SEC24D: variants seen among roughly 807,000 people sequenced by gnomAD.
The protein encoded by SEC24D is protein transport protein Sec24D.
SEC24D carries 69 observed loss-of-function variants against 116.9 expected under a neutral mutation model. The ratio of observed to expected loss-of-function variants is 0.59; its 90% CI spans 0.49 to 0.72. The LOEUF (loss-of-function observed/expected upper bound fraction) is 0.72. Ranked by LOEUF, SEC24D falls within the 30% of genes least tolerant of loss-of-function variation. The probability of loss-of-function intolerance (pLI) is 0.00; values close to 1 mark genes in which losing one functional copy is unlikely to be tolerated. For synonymous variants in SEC24D, 405 were observed against 442.8 expected (o/e 0.91, Z 1.07); for missense variants, 1,131 against 1,264.1 (o/e 0.89, Z 1.60).
intron 13 of SEC24D, among the ~76,000 whole-genome samples, chr4:118,746,790 G>A (rs761233675): frequency 1.3e-4 from 20 of 152,074 alleles, no homozygotes; most frequent in Non-Finnish European, 2.1e-4. Context: ...AGGTACTTAG[G>A]TTTGTGAATA....
rs199691379 is a variant in SEC24D at position 118,834,587 on chromosome 4, TAA to T, written c.-41-852_-41-851del. Among the ~76,000 whole-genome samples, 568 of 149,560 alleles carry T rather than the reference TAA, an allele frequency of 3.8e-3. 4 individuals carry two copies. The highest frequency in any genetic ancestry group is 0.013 in the African/African-American group (531 of 40,906). ...GAGATATTTCATAGGACTGATGATTTAAAAAAAAAAATTAAATACGACAGAAA... is the reference window on the plus strand; with the variant it reads ...GAGATATTTCATAGGACTGATGATTTAAAAAAAAATTAAATACGACAGAAA... On this transcript the variant is annotated intron_variant, in intron 1 of 22. Transcript: ENST00000280551.
At chr4:118,794,499 C>A (rs1383386314) in intron 8 of SEC24D, among the ~76,000 whole-genome samples, 1 of 152,164 alleles carries the variant, frequency 6.6e-6, no homozygotes, top group Non-Finnish European at 1.5e-5. Context: ...TATGTATCCA[C>A]AATACTGATA....
chr4:118,757,881 A>T (rs773512717), intron 10 of SEC24D, 36 bp from the exon 11 acceptor site: 4 of 1,557,078 alleles, frequency 2.6e-6, no homozygotes, highest in Non-Finnish European at 3.5e-6. Flanking sequence ...AAATAAAGTA[A>T]ATACATTGCA....
Position 118,799,425 on chromosome 4 carries a change from G to A in SEC24D, c.914-1615C>T, listed in dbSNP as rs186383581. ...ATCTATTACACAGTCATACAGCAAT[G>A]CTGAGTAGACAATTAGATATGTACA... On this transcript the variant is annotated intron_variant, in intron 7 of 22. Transcript: ENST00000280551. Among the ~76,000 whole-genome samples the A allele has an allele frequency of 9.8e-5, 15 of 152,332 alleles. No individual in the cohort carries two copies. The East Asian group carries it at 2.7e-3, about 27-fold the overall frequency.
At chr4:118,810,137 T>TGTGTGTGTGTGTGTGTGAGAG (rs56961502) in intron 6 of SEC24D, among the ~76,000 whole-genome samples, 1 of 104,280 alleles carries the variant, frequency 9.6e-6, no homozygotes, top group Non-Finnish European at 2.1e-5. Context: ...TGTGTGTGTG[T>TGTGTGTGTGTGTGTGTGAGAG]CAGAGGGTAT....
chr4:118,737,540 G>C (rs964379892), intron 19 of SEC24D, among the ~76,000 whole-genome samples: 1 of 152,142 alleles, frequency 6.6e-6, no homozygotes. Flanking sequence ...GAATGAACTA[G>C]AAAGTTTTCC....
rs1206400591 is a variant in SEC24D, at chr4:118,817,160, C to G, written c.397+104G>C. The G allele has an allele frequency of 7.7e-6, 7 of 903,652 alleles. No individual in the cohort carries two copies. In the East Asian group the frequency reaches 1.8e-4, roughly 23 times the overall value. 56.0% of individuals were successfully genotyped at this position (903,652 alleles called of 1,614,324 possible). ...AAAATGTCCAAATACTACTTCAACA[C>G]AGTATGCCCTAGTTACATCTATTTT... On this transcript the variant is annotated intron_variant, in intron 4 of 22. Coordinates refer to ENST00000280551, the MANE Select transcript of SEC24D (RefSeq NM_014822.4).
chr4:118,731,408 G>A lies in SEC24D; in HGVS notation c.2776C>T (p.His926Tyr), dbSNP rs199764116. The A allele has an allele frequency of 7.2e-5, 116 of 1,613,942 alleles. No homozygotes were observed. The highest frequency in any genetic ancestry group is 9.1e-5 in the Non-Finnish European group (107 of 1,179,918). Residue 926 changes from histidine to tyrosine, a missense_variant, in exon 21 of 23, where the codon CAC (histidine) becomes TAC (tyrosine). His to Tyr is a moderately conservative substitution (Grantham distance 83). Transcript: ENST00000280551. ...EGIFLLANGL[H>Y]MFLWLGVSSP... ...CTTACTCCCAACCACAGGAACATGT[G>A]TAGACCATTAGCCAGTAAGAATATT...
intron 9 of SEC24D, among the ~76,000 whole-genome samples, chr4:118,765,483 TA>T (rs1262017760): frequency 1.3e-5 from 2 of 152,200 alleles, no homozygotes; most frequent in Non-Finnish European, 2.9e-5. Context: ...TTCAAATGTC[TA>T]AGAAGGTTAG....
chr4:118,763,982 A>G (rs1337640549), intron 10 of SEC24D, among the ~76,000 whole-genome samples: 1 of 152,214 alleles, frequency 6.6e-6, no homozygotes, highest in Non-Finnish European at 1.5e-5. Context: ...AATTTCAGCC[A>G]GGCATTACAG....
chr4:118,743,612 C>T (rs1480011746), intron 15 of SEC24D, among the ~76,000 whole-genome samples: 1 of 152,194 alleles, frequency 6.6e-6, no homozygotes, highest in Non-Finnish European at 1.5e-5. Context: ...GATCTTCCCA[C>T]CTCAACCTCT....
At chr4:118,808,594 C>T (rs1043616428) in intron 6 of SEC24D, among the ~76,000 whole-genome samples, 2 of 152,092 alleles carry the variant, frequency 1.3e-5, no homozygotes, top group African/African-American at 4.8e-5. Flanking sequence ...TTTTTATTTA[C>T]CTCAAATGCA....
At chr4:118,785,981 A>T (rs2110492099) in intron 8 of SEC24D, among the ~76,000 whole-genome samples, 1 of 152,362 alleles carries the variant, frequency 6.6e-6, no homozygotes, top group African/African-American at 2.4e-5. Flanking sequence ...GCAAATAATC[A>T]TAATATGGAT....
intron 13 of SEC24D, among the ~76,000 whole-genome samples, chr4:118,746,443 G>A (rs13116408): frequency 0.066 from 10,073 of 152,042 alleles, 467 homozygotes; most frequent in Non-Finnish European, 0.099. Flanking sequence ...TGCATTTTAA[G>A]AATAGGAAAA....
intron 8 of SEC24D, among the ~76,000 whole-genome samples, chr4:118,777,772 G>A (rs1728209836): frequency 6.6e-6 from 1 of 152,190 alleles, no homozygotes; most frequent in Non-Finnish European, 1.5e-5. Flanking sequence ...TCCAGCATCT[G>A]TTGTTTCCTG....
At chr4:118,833,023 A>T (rs1238151269) in intron 2 of SEC24D, among the ~76,000 whole-genome samples, 1 of 152,216 alleles carries the variant, frequency 6.6e-6, no homozygotes, top group Non-Finnish European at 1.5e-5. Context: ...GGCTGCTAAC[A>T]TCAAGCCTCA....
At chr4:118,813,509 G>A (rs1483928047) in intron 6 of SEC24D, among the ~76,000 whole-genome samples, 1 of 152,206 alleles carries the variant, frequency 6.6e-6, no homozygotes, top group Non-Finnish European at 1.5e-5. Flanking sequence ...ATGGCAAAGG[G>A]GCTGAGCGTG....
intron 7 of SEC24D, among the ~76,000 whole-genome samples, chr4:118,799,775 T>C (rs897533669): frequency 6.6e-6 from 1 of 152,102 alleles, no homozygotes; most frequent in African/African-American, 2.4e-5. Context: ...TTTGGTGGAA[T>C]GCTAGGGAAA....
intron 11 of SEC24D, among the ~76,000 whole-genome samples, chr4:118,754,459 TA>T (rs1726984935): frequency 6.6e-6 from 1 of 152,174 alleles, no homozygotes; most frequent in African/African-American, 2.4e-5. Context: ...TAAACACTTA[TA>T]AATCATTCTC....
Sources: allele counts gnomAD v4.1 joint callset (sites outside exome capture counted in the v4.1 genomes callset), GRCh38; gene constraint gnomAD v4.1.1; transcripts MANE v1.5; gene names NCBI Gene and HGNC (gene_info 2026-07-23, HGNC 2026-07-21).